The following NUCKS1 variants were observed in gnomAD, a reference collection of about 807,000 sequenced individuals.
NUCKS1 encodes nuclear casein kinase and cyclin dependent kinase substrate 1.
In NUCKS1, 2 loss-of-function variants were observed where a neutral mutation model predicts 33.0. The observed-to-expected ratio is 0.06, with a 90% confidence interval of 0.02 to 0.19. The LOEUF (loss-of-function observed/expected upper bound fraction) is 0.19. Among genes scored for constraint, NUCKS1 ranks in the 10% least tolerant of loss-of-function variants. NUCKS1 has a pLI of 1.00. For synonymous variants in NUCKS1, 106 were observed against 102.8 expected (o/e 1.03, Z -0.19); for missense variants, 201 against 293.6 (o/e 0.68, Z 2.31).
Position 205,723,943 on chromosome 1 carries a change from T to C in NUCKS1, c.212A>G (p.Asp71Gly). The change falls in exon 4 of 7, where the codon GAT (aspartate) becomes GGT (glycine). Residue 71 changes from aspartate to glycine, a missense_variant. Coordinates refer to ENST00000367142, the MANE Select transcript of NUCKS1 (RefSeq NM_022731.5). ...SEDKDVKTKK[D>G]DSHSAEDSED... ...TTTACTACCTGCTGAGTGAGAATCA[T>C]CCTTCTTGGTCTTCACATCTTTGTC... is the stretch of plus-strand genomic sequence containing the variant. 1 of 1,611,224 alleles carries C rather than the reference T, an allele frequency of 6.2e-7. No homozygotes were observed. Among genetic ancestry groups the C allele is most frequent in the Non-Finnish European group, 8.5e-7 (1 of 1,177,728 alleles).
intron 1 of NUCKS1, among the ~76,000 whole-genome samples, chr1:205,740,450 T>A (rs907907310): frequency 1.3e-5 from 2 of 151,856 alleles, no homozygotes; most frequent in Non-Finnish European, 2.9e-5. Flanking sequence ...CAATAACCTG[T>A]CTCTTCTAAA....
intron 5 of NUCKS1, among the ~76,000 whole-genome samples, chr1:205,720,176 A>G (rs1481201417): frequency 6.6e-6 from 1 of 152,226 alleles, no homozygotes; most frequent in Admixed American, 6.5e-5. Flanking sequence ...AGAGGTCTAC[A>G]ACCTCCTCCA....
intron 1 of NUCKS1, among the ~76,000 whole-genome samples, chr1:205,738,893 G>C (rs1654097172): frequency 6.6e-6 from 1 of 152,178 alleles, no homozygotes; most frequent in African/African-American, 2.4e-5. Context: ...CTGGGTGAGA[G>C]AGGGAGAACC....
Position 205,716,477 on chromosome 1 carries a change from C to A in NUCKS1, c.*1803G>T, listed in dbSNP as rs185582137. 6.6e-6 allele frequency: 1 copy of A among 152,212 alleles called. No individual in the cohort carries two copies. The highest frequency in any genetic ancestry group is 1.5e-5 in the Non-Finnish European group (1 of 68,014). The allele number at this position is 152,212 out of a possible 1,614,324, so 9.4% of individuals were successfully genotyped here. A position where few individuals can be genotyped will look rare whatever the true frequency, so the allele number is the denominator to read the frequency against. ...CAAAGTTCACACCTCTGAATTTAACCGTCATGAAAGAGAATGATCCAACTG... is the reference window on the plus strand; with the variant it reads ...CAAAGTTCACACCTCTGAATTTAACAGTCATGAAAGAGAATGATCCAACTG... On this transcript the variant is annotated 3_prime_UTR_variant, in exon 7 of 7. Transcript: ENST00000367142.
rs745807400 is a variant in NUCKS1 at position 205,729,638 on chromosome 1, C to G, written c.18-17G>C. 7.2e-5 allele frequency: 113 copies of G among 1,574,442 alleles called. No homozygotes were observed. The highest frequency in any genetic ancestry group is 9.5e-5 in the Non-Finnish European group (109 of 1,145,224). ...TTCCTATTTCTGTAGAAAGAAGAGA[C>G]TCTAATTAAAATCATAAAACTGTAG... On this transcript the variant is annotated splice_polypyrimidine_tract_variant and intron_variant, in intron 1 of 6. Coordinates refer to ENST00000367142, the MANE Select transcript of NUCKS1 (RefSeq NM_022731.5).
intron 1 of NUCKS1, among the ~76,000 whole-genome samples, chr1:205,747,836 A>G (rs1654369658): frequency 6.6e-6 from 1 of 152,226 alleles, no homozygotes; most frequent in Non-Finnish European, 1.5e-5. Context: ...GGACTTTTTT[A>G]TTGCAAAATT....
intron 2 of NUCKS1, among the ~76,000 whole-genome samples, chr1:205,728,403 A>G (rs1040159134): frequency 2.0e-5 from 3 of 152,220 alleles, no homozygotes; most frequent in African/African-American, 7.2e-5. Context: ...GGTCAGAAAC[A>G]TTATAAATTC....
At chr1:205,719,087 T>G (rs1671877647) in intron 6 of NUCKS1, among the ~76,000 whole-genome samples, 1 of 152,202 alleles carries the variant, frequency 6.6e-6, no homozygotes, top group South Asian at 2.1e-4. Context: ...CAAGTGTGGT[T>G]TTATTCTGAT....
intron 1 of NUCKS1, chr1:205,731,099 C>G (rs924402627): frequency 6.6e-6 from 1 of 152,104 alleles, no homozygotes; most frequent in African/African-American, 2.4e-5. Context: ...TTAATTGGTC[C>G]AGTCAAAAGA....
intron 4 of NUCKS1, among the ~76,000 whole-genome samples, chr1:205,721,010 C>G (rs1285595332): frequency 6.7e-6 from 1 of 148,634 alleles, no homozygotes; most frequent in African/African-American, 2.5e-5. Flanking sequence ...AATGCAGGCA[C>G]AAAAGACCAA....
At position 205,716,478 on chromosome 1, in the gene NUCKS1, G is replaced by A. The variant is rs976599215; in HGVS notation, c.*1802C>T. The A allele has an allele frequency of 2.6e-5, 4 of 152,040 alleles. No individual in the cohort carries two copies. The highest frequency in any genetic ancestry group is 2.1e-4 in the South Asian group (1 of 4,824). 9.4% of individuals were successfully genotyped at this position (152,040 alleles called of 1,614,324 possible). On this transcript the variant is annotated 3_prime_UTR_variant, in exon 7 of 7. Transcript: ENST00000367142. Reference sequence around the variant, plus strand: ...AAAGTTCACACCTCTGAATTTAACCGTCATGAAAGAGAATGATCCAACTGC... The same window carrying A: ...AAAGTTCACACCTCTGAATTTAACCATCATGAAAGAGAATGATCCAACTGC...
chr1:205,736,304 C>A (rs971938157), intron 1 of NUCKS1, among the ~76,000 whole-genome samples: 2 of 152,088 alleles, frequency 1.3e-5, no homozygotes, highest in Admixed American at 6.6e-5. Context: ...CCATTTAGAT[C>A]AAAAATTTTT....
Position 205,717,564 on chromosome 1 carries a change from T to C in NUCKS1, c.*716A>G. On this transcript the variant is annotated 3_prime_UTR_variant, in exon 7 of 7. Coordinates refer to ENST00000367142, the MANE Select transcript of NUCKS1 (RefSeq NM_022731.5). ...AAGGATCACTGGCTCCGAGTCTCTT[T>C]GAGATAACAAGTGATGAAATAAAAA... is the stretch of plus-strand genomic sequence containing the variant. The C allele has an allele frequency of 1.0e-6, 1 of 984,790 alleles. No homozygotes were observed. The highest frequency in any genetic ancestry group is 1.2e-6 in the Non-Finnish European group (1 of 829,782). 61.0% of individuals were successfully genotyped at this position (984,790 alleles called of 1,614,324 possible). A position where few individuals can be genotyped will look rare whatever the true frequency, so the allele number is the denominator to read the frequency against.
At chr1:205,745,727 A>C (rs898218608) in intron 1 of NUCKS1, among the ~76,000 whole-genome samples, 1 of 152,202 alleles carries the variant, frequency 6.6e-6, no homozygotes, top group Non-Finnish European at 1.5e-5. Context: ...ATCTGAGCTC[A>C]AACCTTAGCT....
chr1:205,748,268 A>G (rs1654380818), intron 1 of NUCKS1, among the ~76,000 whole-genome samples: 1 of 152,240 alleles, frequency 6.6e-6, no homozygotes, highest in Non-Finnish European at 1.5e-5. Flanking sequence ...ACGTCACCAC[A>G]ATAAAATAAA....
rs546460016 is a variant in NUCKS1 at position 205,733,145 on chromosome 1, G to A, written c.18-3524C>T. ...CTAGCTTATCCCATGCTTGTGGGGT[G>A]GCAACTAACATATTATTACCCCATT... On this transcript the variant is annotated intron_variant, in intron 1 of 6. Coordinates refer to ENST00000367142, the MANE Select transcript of NUCKS1 (RefSeq NM_022731.5). 1.4e-4 allele frequency among the ~76,000 whole-genome samples: 22 copies of A among 152,184 alleles called. No homozygotes were observed. In the South Asian group the frequency reaches 4.6e-3, roughly 32 times the overall value.
intron 1 of NUCKS1, among the ~76,000 whole-genome samples, chr1:205,746,573 C>G (rs1654339139): frequency 2.0e-5 from 3 of 151,896 alleles, no homozygotes; most frequent in Admixed American, 2.0e-4. Context: ...ACATTTTGAA[C>G]TACCTTGAAT....
chr1:205,742,052 G>C (rs977784716), intron 1 of NUCKS1, among the ~76,000 whole-genome samples: 6 of 152,230 alleles, frequency 3.9e-5, no homozygotes, highest in African/African-American at 1.4e-4. Flanking sequence ...TAGAGCTGCA[G>C]CAAGTCCTTG....
chr1:205,717,547 C>A lies in NUCKS1; in HGVS notation c.*733G>T. 1.0e-6 allele frequency: 1 copy of A among 984,060 alleles called. No homozygotes were observed. Among genetic ancestry groups the A allele is most frequent in the Non-Finnish European group, 1.2e-6 (1 of 829,776 alleles). 61.0% of individuals were successfully genotyped at this position (984,060 alleles called of 1,614,324 possible). A position where few individuals can be genotyped will look rare whatever the true frequency, so the allele number is the denominator to read the frequency against. ...AGACTGTAGCAGGATAAAAGGATCA[C>A]TGGCTCCGAGTCTCTTTGAGATAAC... On this transcript the variant is annotated 3_prime_UTR_variant, in exon 7 of 7. Transcript: ENST00000367142.
Sources: allele counts gnomAD v4.1 joint callset (sites outside exome capture counted in the v4.1 genomes callset), GRCh38; gene constraint gnomAD v4.1.1; transcripts MANE v1.5; gene names NCBI Gene and HGNC (gene_info 2026-07-23, HGNC 2026-07-21).